Variants in GABRG1 observed in about 807,000 individuals in gnomAD.
GABRG1 encodes the protein gamma-aminobutyric acid type A receptor subunit gamma1.
Under a neutral mutation model 49.8 loss-of-function variants are expected in GABRG1, and 49 were observed. The observed-to-expected ratio is 0.98, with a 90% CI of 0.78 to 1.25. The LOEUF (loss-of-function observed/expected upper bound fraction) is 1.25, where lower values mean the gene tolerates loss of function less well. Ranked by LOEUF, GABRG1 falls within the 50% of genes most tolerant of loss-of-function variation. The probability of loss-of-function intolerance (pLI) is 0.00; values close to 1 mark genes in which losing one functional copy is unlikely to be tolerated. For missense variants in GABRG1, 552 were observed against 552.3 expected, an observed-to-expected ratio of 1.00 and a Z score of 0.01; for synonymous variants, 232 against 185.1, an observed-to-expected ratio of 1.25 and a Z score of -2.06.
intron 2 of GABRG1, among the ~76,000 whole-genome samples, chr4:46,094,973 T>C (rs755895990): frequency 5.9e-5 from 9 of 151,884 alleles, no homozygotes; most frequent in Non-Finnish European, 1.0e-4. Flanking sequence ...CAGTTAAGTA[T>C]ATTCAAACAA....
intron 2 of GABRG1, among the ~76,000 whole-genome samples, chr4:46,087,785 A>T (rs1174384987): frequency 2.0e-5 from 3 of 151,960 alleles, no homozygotes; most frequent in Admixed American, 1.3e-4. Flanking sequence ...GCTCGAGTTT[A>T]GATACTTCTT....
chr4:46,089,035 T>C (rs1211630187), intron 2 of GABRG1, among the ~76,000 whole-genome samples: 1 of 151,894 alleles, frequency 6.6e-6, no homozygotes, highest in East Asian at 2.0e-4. Flanking sequence ...TTTAGCACTT[T>C]TAGGATATTT....
intron 8 of GABRG1, among the ~76,000 whole-genome samples, chr4:46,044,775 T>A (rs900667671): frequency 1.3e-5 from 2 of 152,096 alleles, no homozygotes; most frequent in African/African-American, 4.8e-5. Flanking sequence ...TGAACTATGG[T>A]TCACCTACTG....
At chr4:46,067,234 G>C (rs1428153369) in intron 3 of GABRG1, among the ~76,000 whole-genome samples, 1 of 151,864 alleles carries the variant, frequency 6.6e-6, no homozygotes, top group Non-Finnish European at 1.5e-5. Flanking sequence ...TGCTTAACTG[G>C]AATATAAAAA....
chr4:46,070,975 A>G (rs1416726887), intron 3 of GABRG1, among the ~76,000 whole-genome samples: 1 of 152,102 alleles, frequency 6.6e-6, no homozygotes, highest in Non-Finnish European at 1.5e-5. Context: ...ACAGTCATGC[A>G]CTGCCTAATG....
intron 5 of GABRG1, among the ~76,000 whole-genome samples, chr4:46,064,135 A>C (rs1339132526): frequency 6.6e-6 from 1 of 152,252 alleles, no homozygotes; most frequent in Non-Finnish European, 1.5e-5. Context: ...GGACTGTGTA[A>C]AAACATTTGA....
intron 3 of GABRG1, among the ~76,000 whole-genome samples, chr4:46,074,098 A>T (rs1376868626): frequency 6.6e-6 from 1 of 152,212 alleles, no homozygotes; most frequent in Non-Finnish European, 1.5e-5. Context: ...CTTCATAGCC[A>T]ATAGGCAAAC....
intron 3 of GABRG1, among the ~76,000 whole-genome samples, chr4:46,066,464 A>G (rs1463236776): frequency 1.3e-5 from 2 of 152,178 alleles, no homozygotes; most frequent in African/African-American, 4.8e-5. Context: ...TACTACTATA[A>G]TCATTATTTT....
At chr4:46,074,762 G>C (rs185460463) in intron 3 of GABRG1, among the ~76,000 whole-genome samples, 1 of 152,022 alleles carries the variant, frequency 6.6e-6, no homozygotes, top group East Asian at 1.9e-4. Context: ...CATTGAATAA[G>C]GGATAAGGTA....
At chr4:46,050,432 A>G (rs1418713350) in intron 8 of GABRG1, among the ~76,000 whole-genome samples, 1 of 151,894 alleles carries the variant, frequency 6.6e-6, no homozygotes, top group Non-Finnish European at 1.5e-5. Flanking sequence ...TGACTCCTAG[A>G]ACTTAAAAAG....
At chr4:46,094,471 A>G (rs1427894037) in intron 2 of GABRG1, among the ~76,000 whole-genome samples, 1 of 151,982 alleles carries the variant, frequency 6.6e-6, no homozygotes, top group African/African-American at 2.4e-5. Context: ...TAAATGTACC[A>G]TTAATATGAA....
chr4:46,078,743 T>G (rs1356560195), intron 3 of GABRG1, among the ~76,000 whole-genome samples: 1 of 152,010 alleles, frequency 6.6e-6, no homozygotes, highest in Admixed American at 6.6e-5. Flanking sequence ...CATTTTGAAC[T>G]GCCTCTTAAA....
At chr4:46,072,494 G>A (rs1719167509) in intron 3 of GABRG1, among the ~76,000 whole-genome samples, 1 of 152,038 alleles carries the variant, frequency 6.6e-6, no homozygotes, top group East Asian at 1.9e-4. Context: ...AATTTATACT[G>A]TGGCAAGAAG....
rs1719872730 is a variant in GABRG1, at chr4:46,088,766, C to A, written c.254-4713G>T. Among the ~76,000 whole-genome samples the A allele has an allele frequency of 2.1e-5, 3 of 145,824 alleles. No homozygotes were observed. In the South Asian group the frequency reaches 6.4e-4, roughly 31 times the overall value. ...ACACACACACACACACACACACACACCCCATATATCTATATTTAAATGGCA... is the reference window on the plus strand; with the variant it reads ...ACACACACACACACACACACACACAACCCATATATCTATATTTAAATGGCA... On this transcript the variant is annotated intron_variant, in intron 2 of 8. Coordinates refer to ENST00000295452, the MANE Select transcript of GABRG1 (RefSeq NM_173536.4).
intron 2 of GABRG1, among the ~76,000 whole-genome samples, chr4:46,094,634 T>A (rs958019389): frequency 6.6e-6 from 1 of 151,822 alleles, no homozygotes; most frequent in Non-Finnish European, 1.5e-5. Flanking sequence ...TAGGAAATAG[T>A]ATAGTGACAA....
In GABRG1 at chr4:46,051,311, T is replaced by C. The variant is rs565789396; in HGVS notation, c.1131+113A>G. ...CTCCAGTTTCATCTTAACTTTGTCT[T>C]TGGTTATGGGTCTCAAGCGTCCCTA... On this transcript the variant is annotated intron_variant, in intron 8 of 8. Coordinates refer to ENST00000295452, the MANE Select transcript of GABRG1 (RefSeq NM_173536.4). 1.2e-4 allele frequency: 87 copies of C among 744,570 alleles called. No homozygotes were observed. In the African/African-American group the frequency reaches 1.2e-3, roughly 10 times the overall value. 46.1% of individuals were successfully genotyped at this position (744,570 alleles called of 1,614,324 possible).
intron 2 of GABRG1, among the ~76,000 whole-genome samples, chr4:46,090,088 A>T (rs1185782823): frequency 6.6e-6 from 1 of 152,108 alleles, no homozygotes; most frequent in African/African-American, 2.4e-5. Flanking sequence ...TGGTTTTATA[A>T]GTTTTCATAG....
In GABRG1 at chr4:46,058,281, T is replaced by G; in HGVS notation, c.852A>C (p.Thr284=). Residue 284 remains threonine, a synonymous_variant, in exon 7 of 9, where the codon ACA becomes ACC. Coordinates refer to ENST00000295452, the MANE Select transcript of GABRG1 (RefSeq NM_173536.4). ...AAAAAGACACCCAAGAAAGAACAAC[T>G]GTCAGAATGCATGGAATGTAGGTCT... ...TIQTYIPCIL[T]VVLSWVSFWI... is the part of the protein sequence containing the mutation. 2 of 1,613,388 alleles carry G rather than the reference T, an allele frequency of 1.2e-6. No individual in the cohort carries two copies. Among genetic ancestry groups the G allele is most frequent in the East Asian group, 4.5e-5 (2 of 44,782 alleles).
rs201370584 is a variant in GABRG1 at position 46,098,708 on chromosome 4, A to AT, written c.105-1360dup. ...TGCTTTTGATTGCCACCTCTTTGGT[A>AT]TTTTTTTAGTGCTTGCCTTCTCATT... On this transcript the variant is annotated intron_variant, in intron 1 of 8. Coordinates refer to ENST00000295452, the MANE Select transcript of GABRG1 (RefSeq NM_173536.4). 5.5e-3 allele frequency among the ~76,000 whole-genome samples: 838 copies of AT among 151,680 alleles called. 4 individuals are homozygous for AT. The highest frequency in any genetic ancestry group is 0.019 in the African/African-American group (781 of 41,448).
Sources: allele counts gnomAD v4.1 joint callset (sites outside exome capture counted in the v4.1 genomes callset), GRCh38; gene constraint gnomAD v4.1.1; transcripts MANE v1.5; gene names NCBI Gene and HGNC (gene_info 2026-07-23, HGNC 2026-07-21).